Variants in MORC4 observed in about 807,000 individuals in gnomAD.
MORC4 encodes MORC family CW-type zinc finger protein 4.
In MORC4, 22 loss-of-function variants were observed where a neutral mutation model predicts 65.5. That is an observed-to-expected ratio of 0.34 (90% CI 0.24 to 0.48). MORC4 has a LOEUF of 0.48. Among genes scored for constraint, MORC4 ranks in the 20% least tolerant of loss-of-function variants. The pLI, the probability that MORC4 is intolerant of heterozygous loss-of-function variation, is 0.99. For synonymous variants in MORC4, 267 were observed against 255.8 expected, an observed-to-expected ratio of 1.04 and a Z score of -0.42; for missense variants, 624 against 703.0, an observed-to-expected ratio of 0.89 and a Z score of 1.27.
At position 106,956,995 on chromosome X, in the gene MORC4, A is replaced by C; in HGVS notation, c.1395T>G (p.Ser465=). 8.4e-7 allele frequency: 1 copy of C among 1,190,854 alleles called. No individual in the cohort carries two copies. The highest frequency in any genetic ancestry group is 1.1e-6 in the Non-Finnish European group (1 of 878,641). The change falls in exon 12 of 17, where the codon TCT becomes TCG. Residue 465 remains serine (S), a synonymous_variant. Transcript: ENST00000355610. Reference sequence around the variant, plus strand: ...CAGTGAGTTCTTGTTCCTCTGGAACAGAGCATCTCCTGCAGTACAGAGAAT... The same window carrying C: ...CAGTGAGTTCTTGTTCCTCTGGAACCGAGCATCTCCTGCAGTACAGAGAAT... ...YNSHPKYRRC[S]VPEEQELTDE... is the part of the protein sequence containing the mutation.
Position 106,995,692 on chromosome X carries a change from G to A in MORC4, c.176-2330C>T, listed in dbSNP as rs1214706570. ...TTTAAGGACCAGGTTGGGGGCCTAG[G>A]GCCTATATAATGTGGCAAGACAAGT... On this transcript the variant is annotated intron_variant, in intron 2 of 16. Transcript: ENST00000355610. Among the ~76,000 whole-genome samples the A allele has an allele frequency of 2.7e-5, 3 of 112,215 alleles. No individual in the cohort carries two copies. The East Asian group carries it at 8.4e-4, about 31-fold the overall frequency.
chrX:106,978,517 T>C (rs1934671990), intron 7 of MORC4, among the ~76,000 whole-genome samples: 1 of 110,657 alleles, frequency 9.0e-6, no homozygotes, highest in Non-Finnish European at 1.9e-5. Flanking sequence ...AATGATTAAA[T>C]AAATGTTGAT....
Position 106,976,587 on chromosome X carries a change from T to C in MORC4, c.1154A>G (p.Tyr385Cys). 8.4e-7 allele frequency: 1 copy of C among 1,187,492 alleles called. No individual in the cohort carries two copies. The highest frequency in any genetic ancestry group is 1.1e-6 in the Non-Finnish European group (1 of 874,143). ...CCTCAGGTTGGGAGTGACTCACCGG[T>C]ACTCCTTGGTATACTCAAAGTCTTG... Reference protein sequence around the residue: ...NKQDFEYTKEYRLTINALAQK... With the variant: ...NKQDFEYTKECRLTINALAQK... The change falls in exon 9 of 17, where the codon TAC becomes TGC. Residue 385 changes from tyrosine to cysteine, a missense_variant. Coordinates refer to ENST00000355610, the MANE Select transcript of MORC4 (RefSeq NM_024657.5).
At chrX:106,992,764 T>C (rs970710347) in intron 3 of MORC4, among the ~76,000 whole-genome samples, 1 of 112,157 alleles carries the variant, frequency 8.9e-6, no homozygotes, top group Non-Finnish European at 1.9e-5. Flanking sequence ...TGAGTTTAGG[T>C]TAATATAAAT....
chrX:106,974,378 T>C (rs1021368644), intron 9 of MORC4, among the ~76,000 whole-genome samples: 1 of 111,376 alleles, frequency 9.0e-6, no homozygotes, highest in African/African-American at 3.3e-5. Flanking sequence ...TATCCTGTTA[T>C]CTCCTCTCTC....
chrX:106,996,045 C>G (rs1935073863), intron 2 of MORC4, among the ~76,000 whole-genome samples: 1 of 111,760 alleles, frequency 8.9e-6, no homozygotes. Context: ...ATTCACGATT[C>G]AAACATGTAA....
At chrX:106,966,578 C>T (rs1254973447) in intron 9 of MORC4, among the ~76,000 whole-genome samples, 1 of 112,729 alleles carries the variant, frequency 8.9e-6, no homozygotes, top group Non-Finnish European at 1.9e-5. Context: ...TACACTTCTG[C>T]CCAAATACTG....
chrX:106,990,744 T>C, intron 3 of MORC4, among the ~76,000 whole-genome samples: 1 of 111,652 alleles, frequency 9.0e-6, no homozygotes. Context: ...TGATTGTACC[T>C]GCCTGTAATC....
At chrX:106,987,469 A>C (rs771201907) in intron 3 of MORC4, among the ~76,000 whole-genome samples, 16 of 112,213 alleles carry the variant, frequency 1.4e-4, no homozygotes, top group Non-Finnish European at 2.8e-4. Flanking sequence ...CAATGTGCCA[A>C]GCATTGGGCT....
intron 14 of MORC4, among the ~76,000 whole-genome samples, chrX:106,944,990 C>T (rs778674566): frequency 9.0e-6 from 1 of 111,530 alleles, no homozygotes; most frequent in Non-Finnish European, 1.9e-5. Flanking sequence ...TTTATTGCTC[C>T]CCACAACATA....
intron 2 of MORC4, among the ~76,000 whole-genome samples, chrX:106,995,919 G>T (rs969145082): frequency 1.8e-5 from 2 of 112,472 alleles, no homozygotes; most frequent in Non-Finnish European, 3.7e-5. Context: ...AGACACTCCT[G>T]CTGGCAGACA....
chrX:106,999,752 G>A lies in MORC4; in HGVS notation c.103-3C>T, dbSNP rs757838753. The A allele has an allele frequency of 9.1e-7, 1 of 1,104,729 alleles. No individual in the cohort carries two copies. The highest frequency in any genetic ancestry group is 2.2e-5 in the South Asian group (1 of 44,821). The allele number at this position is 1,104,729 out of a possible 1,213,427, so 91.0% of individuals were successfully genotyped here. On this transcript the variant is annotated splice_polypyrimidine_tract_variant and splice_region_variant and intron_variant, in intron 1 of 16. Transcript: ENST00000355610. ...CTCTGGAGGTAGCGGGGGCTCATCT[G>A]GGGGCGAGAGAAGGTCCCGACCCGC...
In MORC4 at chrX:106,941,945, G is replaced by C; in HGVS notation, c.2653C>G (p.Leu885Val). The stretch of plus-strand genomic sequence containing the variant: ...TAAACCCTAGTAATTAACCTTTCTA[G>C]GTCATCTCCCTCTGGGGTCCGGTAG... ...VSYRTPEGDDLERALAKLTRL... is the reference protein window; with the variant it reads ...VSYRTPEGDDVERALAKLTRL... The change falls in exon 16 of 17, where the codon CTA (leucine) becomes GTA (valine). Residue 885 changes from leucine to valine, a missense_variant. Leu to Val is a conservative substitution (Grantham distance 32). Coordinates refer to ENST00000355610, the MANE Select transcript of MORC4 (RefSeq NM_024657.5). 1 of 1,208,426 alleles carries C rather than the reference G, an allele frequency of 8.3e-7. No individual in the cohort carries two copies. The highest frequency in any genetic ancestry group is 1.1e-6 in the Non-Finnish European group (1 of 893,860).
At chrX:106,946,819 T>G (rs1263417933) in intron 14 of MORC4, among the ~76,000 whole-genome samples, 1 of 111,488 alleles carries the variant, frequency 9.0e-6, no homozygotes, top group African/African-American at 3.3e-5. Context: ...TTTTTGTATT[T>G]TCTGTAGAGA....
chrX:106,941,446 G>C lies in MORC4; in HGVS notation c.*33C>G. 2 of 1,093,914 alleles carry C rather than the reference G, an allele frequency of 1.8e-6. No individual in the cohort carries two copies. The highest frequency in any genetic ancestry group is 2.5e-6 in the Non-Finnish European group (2 of 805,996). 90.2% of individuals were successfully genotyped at this position (1,093,914 alleles called of 1,213,427 possible). A position where few individuals can be genotyped will look rare whatever the true frequency, so the allele number is the denominator to read the frequency against. ...GGGAGAGAAAAGAGAACAGACAGAA[G>C]ATAAGAGAAGAGAAGGGTATACAGT... On this transcript the variant is annotated 3_prime_UTR_variant, in exon 17 of 17. Coordinates refer to ENST00000355610, the MANE Select transcript of MORC4 (RefSeq NM_024657.5).
chrX:106,977,434 T>A (rs773671602), intron 8 of MORC4, among the ~76,000 whole-genome samples: 1 of 111,856 alleles, frequency 8.9e-6, no homozygotes, highest in East Asian at 2.8e-4. Flanking sequence ...AAAATAGGAA[T>A]AAAAGGGATA....
At chrX:106,943,239 AG>A in intron 14 of MORC4, 34 bp from the exon 15 acceptor site, 4 of 1,085,737 alleles carry the variant, frequency 3.7e-6, no homozygotes, top group Non-Finnish European at 1.3e-6. Context: ...GTAAGCTGTC[AG>A]AGTACAAGTT....
In MORC4 at chrX:106,993,367, A is replaced by G. The variant is rs1655450037; in HGVS notation, c.176-5T>C. The G allele has an allele frequency of 8.3e-7, 1 of 1,204,104 alleles. No individual in the cohort carries two copies. Among genetic ancestry groups the G allele is most frequent in the Non-Finnish European group, 1.1e-6 (1 of 891,795 alleles). Reference sequence around the variant, plus strand: ...CATCTGGATCTACAGCATTATCTGCAAAAGGTAGAAATCTGCGATATTAGA... The same window carrying G: ...CATCTGGATCTACAGCATTATCTGCGAAAGGTAGAAATCTGCGATATTAGA... On this transcript the variant is annotated splice_region_variant and splice_polypyrimidine_tract_variant and intron_variant, in intron 2 of 16. Coordinates refer to ENST00000355610, the MANE Select transcript of MORC4 (RefSeq NM_024657.5).
In MORC4 at chrX:106,983,175, C is replaced by G. The variant is rs777437160; in HGVS notation, c.675-1698G>C. ...AGATTTTTGGATTAGGGAAAGTCAA[C>G]CTGTATACCACCTAGTACCATATAC... On this transcript the variant is annotated intron_variant, in intron 5 of 16. Transcript: ENST00000355610. Among the ~76,000 whole-genome samples the G allele has an allele frequency of 3.6e-5, 4 of 112,047 alleles. No homozygotes were observed. The South Asian group carries it at 1.5e-3, about 42-fold the overall frequency.
Sources: allele counts gnomAD v4.1 joint callset (sites outside exome capture counted in the v4.1 genomes callset), GRCh38; gene constraint gnomAD v4.1.1; transcripts MANE v1.5; gene names NCBI Gene and HGNC (gene_info 2026-07-23, HGNC 2026-07-21).